The following SNAPC1 variants were observed in gnomAD, a reference collection of about 807,000 sequenced individuals.
SNAPC1 encodes snRNA-activating protein complex subunit 1.
Under a neutral mutation model 50.1 loss-of-function variants are expected in SNAPC1, and 42 were observed. The observed-to-expected ratio is 0.84, with a 90% CI of 0.65 to 1.08. The LOEUF is 1.08. Ranked by LOEUF, SNAPC1 falls within the 50% of genes least tolerant of loss-of-function variation. The pLI, the probability that SNAPC1 is intolerant of heterozygous loss-of-function variation, is 0.00. For synonymous variants in SNAPC1, 164 were observed against 144.2 expected (o/e 1.14, Z -0.98); for missense variants, 477 against 427.3 (o/e 1.12, Z -1.02).
chr14:61,775,207 T>G (rs1318220628), intron 4 of SNAPC1, among the ~76,000 whole-genome samples: 2 of 152,130 alleles, frequency 1.3e-5, no homozygotes, highest in African/African-American at 4.8e-5. Flanking sequence ...GAAGAAGATC[T>G]AATAAATAAT....
In SNAPC1 at chr14:61,795,426, T is replaced by C. The variant is rs920590354; in HGVS notation, c.*443T>C. 6.6e-6 allele frequency: 1 copy of C among 152,498 alleles called. No individual in the cohort carries two copies. Among genetic ancestry groups the C allele is most frequent in the Admixed American group, 6.5e-5 (1 of 15,280 alleles). 9.4% of individuals were successfully genotyped at this position (152,498 alleles called of 1,614,324 possible). On this transcript the variant is annotated 3_prime_UTR_variant, in exon 10 of 10. Transcript: ENST00000216294. ...TTTTTTATTTTGTATATTTATTCTA[T>C]TTTGTATATTGTTAAGTGCAATAAA...
Position 61,776,102 on chromosome 14 carries a change from T to C in SNAPC1, c.542T>C (p.Leu181Pro). ...TCATCTTTTTGCTTTTAGGAAATGC[T>C]GAATGTTCATGATCATTATCAGAAC... is the stretch of plus-strand genomic sequence containing the variant. ...LITSDVLEEM[L>P]NVHDHYQNMK... The change falls in exon 5 of 10, where the codon CTG becomes CCG. Residue 181 changes from leucine to proline, a missense_variant. By Grantham distance (98) the Leu-to-Pro change is moderately conservative. Coordinates refer to ENST00000216294, the MANE Select transcript of SNAPC1 (RefSeq NM_003082.4). The C allele has an allele frequency of 6.3e-7, 1 of 1,580,086 alleles. No homozygotes were observed. The highest frequency in any genetic ancestry group is 2.3e-5 in the East Asian group (1 of 43,972).
In SNAPC1 at chr14:61,773,709, T is replaced by A. The variant is rs1367675362; in HGVS notation, c.535-2386T>A. Among the ~76,000 whole-genome samples, 7 of 127,024 alleles carry A rather than the reference T, an allele frequency of 5.5e-5. No homozygotes were observed. In the South Asian group the frequency reaches 1.6e-3, roughly 30 times the overall value. 83.3% of individuals were successfully genotyped at this position (127,024 alleles called of 152,430 possible). A position where few individuals can be genotyped will look rare whatever the true frequency, so the allele number is the denominator to read the frequency against. On this transcript the variant is annotated intron_variant, in intron 4 of 9. Coordinates refer to ENST00000216294, the MANE Select transcript of SNAPC1 (RefSeq NM_003082.4). ...CCATGCCTGGCCTTTTTTTTTTTTT[T>A]ATTTTTTAAGGCAGAGTTTCCCTTT...
At chr14:61,786,640 A>G (rs561635699) in intron 8 of SNAPC1, among the ~76,000 whole-genome samples, 12 of 152,324 alleles carry the variant, frequency 7.9e-5, no homozygotes, top group African/African-American at 2.9e-4. Context: ...AAGCAAAACA[A>G]AAATTGTGAT....
At chr14:61,766,476 TGAA>T (rs1038132615) in intron 1 of SNAPC1, among the ~76,000 whole-genome samples, 1 of 152,252 alleles carries the variant, frequency 6.6e-6, no homozygotes, top group African/African-American at 2.4e-5. Context: ...ATGGCCTTGC[TGAA>T]GAAATAAAAT....
intron 1 of SNAPC1, 75 bp downstream of exon 1, chr14:61,762,663 A>T: frequency 6.4e-7 from 1 of 1,563,710 alleles, no homozygotes; most frequent in Non-Finnish European, 8.8e-7. Context: ...TCCCGGCGAT[A>T]TTGCACTTGT....
chr14:61,772,912 C>T (rs1257816660), intron 4 of SNAPC1, among the ~76,000 whole-genome samples: 2 of 152,058 alleles, frequency 1.3e-5, no homozygotes, highest in Admixed American at 1.3e-4. Context: ...TGAAGTTATC[C>T]TGGCTCTGTC....
At position 61,776,202 on chromosome 14, in the gene SNAPC1, C is replaced by T. The variant is rs2045034330; in HGVS notation, c.642C>T (p.Asp214=). 2 of 1,612,322 alleles carry T rather than the reference C, an allele frequency of 1.2e-6. No individual in the cohort carries two copies. Among genetic ancestry groups the T allele is most frequent in the Admixed American group, 1.7e-5 (1 of 59,546 alleles). ...GCTTGATAAAGGATGATTTTTTTGA[C>T]AATATTAAGAACATAGTTTTGGAGC... ...ALSLIKDDFF[D]NIKNIVLEHQ... Residue 214 remains aspartate, a synonymous_variant, in exon 5 of 10, where the codon GAC becomes GAT. Coordinates refer to ENST00000216294, the MANE Select transcript of SNAPC1 (RefSeq NM_003082.4).
chr14:61,763,268 G>T (rs1020837749), intron 1 of SNAPC1, among the ~76,000 whole-genome samples: 5 of 151,930 alleles, frequency 3.3e-5, no homozygotes, highest in Admixed American at 1.3e-4. Flanking sequence ...TAGGATTACA[G>T]GAGTGAGCCA....
Position 61,779,000 on chromosome 14 carries a change from A to G in SNAPC1, c.825+90A>G, listed in dbSNP as rs113382277. 2,447 of 718,528 alleles carry G rather than the reference A, an allele frequency of 3.4e-3. 43 individuals carry two copies. In the African/African-American group the frequency reaches 0.04, roughly 12 times the overall value. The allele number at this position is 718,528 out of a possible 1,614,324, so 44.5% of individuals were successfully genotyped here. A position where few individuals can be genotyped will look rare whatever the true frequency, so the allele number is the denominator to read the frequency against. ...CATCAAAGTAGTAATACATGTACTT[A>G]GTTTTAAAAGTCAAATAATGCTAGA... On this transcript the variant is annotated intron_variant, in intron 7 of 9. Transcript: ENST00000216294.
At chr14:61,781,393 C>T (rs1236934947) in intron 7 of SNAPC1, among the ~76,000 whole-genome samples, 4 of 142,224 alleles carry the variant, frequency 2.8e-5, no homozygotes, top group South Asian at 2.2e-4. Context: ...GAGGTTGCAG[C>T]GAGCTGAGGT....
intron 1 of SNAPC1, among the ~76,000 whole-genome samples, chr14:61,763,579 C>T (rs890384284): frequency 7.2e-6 from 1 of 139,460 alleles, no homozygotes; most frequent in Admixed American, 8.1e-5. Flanking sequence ...CCACCTTATT[C>T]TTCACTCAGG....
Position 61,796,323 on chromosome 14 carries a change from A to C in SNAPC1, c.*1340A>C, listed in dbSNP as rs540822245. 3 of 152,286 alleles carry C rather than the reference A, an allele frequency of 2.0e-5. No homozygotes were observed. The highest frequency in any genetic ancestry group is 2.0e-4 in the Admixed American group (3 of 15,294). 9.4% of individuals were successfully genotyped at this position (152,286 alleles called of 1,614,324 possible). ...AACAGAGTGAGACTTCGTCTCAAAA[A>C]AAAAAAAAAGTTTGGGTTGAAGATC... On this transcript the variant is annotated 3_prime_UTR_variant, in exon 10 of 10. Transcript: ENST00000216294.
chr14:61,794,894 GTTTGTTTTTTT>G, intron 9 of SNAPC1, 44 bp from the exon 10 acceptor site: 1 of 1,253,316 alleles, frequency 8.0e-7, no homozygotes, highest in Non-Finnish European at 1.2e-6. Context: ...TGTTTTTTTT[GTTTGTTTTTTT>G]TTTGTTTTTA....
In SNAPC1 at chr14:61,768,629, C is replaced by T. The variant is rs1182197027; in HGVS notation, c.430-7C>T. ...ACTCATTTAAAAAGACACGTATTAT[C>T]ACATAGCTGTCATATAGGATGAAGA... On this transcript the variant is annotated splice_polypyrimidine_tract_variant and splice_region_variant and intron_variant, in intron 3 of 9. Transcript: ENST00000216294. 2.8e-6 allele frequency: 4 copies of T among 1,446,388 alleles called. No homozygotes were observed. Among genetic ancestry groups the T allele is most frequent in the South Asian group, 2.3e-5 (2 of 86,734 alleles). The allele number at this position is 1,446,388 out of a possible 1,614,324, so 89.6% of individuals were successfully genotyped here. A position where few individuals can be genotyped will look rare whatever the true frequency, so the allele number is the denominator to read the frequency against.
chr14:61,794,844 A>G, intron 9 of SNAPC1, 105 bp from the exon 10 acceptor site: 1 of 773,738 alleles, frequency 1.3e-6, no homozygotes, highest in East Asian at 2.5e-5. Context: ...TGTAGTTGAA[A>G]TGTGTATTAT....
intron 4 of SNAPC1, among the ~76,000 whole-genome samples, chr14:61,775,066 T>A (rs75276565): frequency 1.3e-5 from 2 of 152,054 alleles, no homozygotes. Context: ...CCATCTGTGA[T>A]GGAAGTGTCA....
chr14:61,781,309 CGTGGTG>C (rs2045070010), intron 7 of SNAPC1, among the ~76,000 whole-genome samples: 1 of 151,690 alleles, frequency 6.6e-6, no homozygotes, highest in South Asian at 2.1e-4. Context: ...ATTAGCCGGG[CGTGGTG>C]GTGGGCGCCA....
In SNAPC1 at chr14:61,785,518, GA is replaced by G. The variant is rs2045109107; in HGVS notation, c.976+3124del. ...TCTGAGACAGGTCTCAGTTGATTTA[GA>G]AAGTTTATTTTGCCTGGGTTAAGGA... On this transcript the variant is annotated intron_variant, in intron 8 of 9. Transcript: ENST00000216294. Among the ~76,000 whole-genome samples, 3 of 152,226 alleles carry G rather than the reference GA, an allele frequency of 2.0e-5. No homozygotes were observed. In the South Asian group the frequency reaches 6.2e-4, roughly 31 times the overall value.
Sources: gnomAD v4.1 joint callset for allele counts (sites outside exome capture counted in the v4.1 genomes callset) on GRCh38, gnomAD v4.1.1 for gene constraint, MANE v1.5 for transcripts, NCBI Gene and HGNC (gene_info 2026-07-23, HGNC 2026-07-21) for gene names.